The following SCAF11 variants were observed in gnomAD, a reference collection of about 807,000 sequenced individuals.
The protein encoded by SCAF11 is SR-related CTD associated factor 11, also known as protein SCAF11.
In SCAF11, 47 loss-of-function variants were observed where a neutral mutation model predicts 140.5. The ratio of observed to expected loss-of-function variants is 0.33; its 90% CI spans 0.26 to 0.43. SCAF11 has a LOEUF of 0.43. Ranked by LOEUF, SCAF11 falls within the 20% of genes least tolerant of loss-of-function variation. The probability of loss-of-function intolerance (pLI) is 1.00; values close to 1 mark genes in which losing one functional copy is unlikely to be tolerated. For missense variants in SCAF11, 1,645 were observed against 1,705.1 expected (o/e 0.96, Z 0.62); for synonymous variants, 557 against 579.4 (o/e 0.96, Z 0.55).
chr12:45,979,121 T>G lies in SCAF11; in HGVS notation c.-22+11232A>C, dbSNP rs1946297665. Among the ~76,000 whole-genome samples, 4 of 141,122 alleles carry G rather than the reference T, an allele frequency of 2.8e-5. No individual in the cohort carries two copies. In the South Asian group the frequency reaches 1.0e-3, roughly 37 times the overall value. 92.6% of individuals were successfully genotyped at this position (141,122 alleles called of 152,430 possible). ...ATTAGGCTGTGAGGCTATGCCCTCA[T>G]GGATGGAATTAGTGCCTTATAAAAG... On this transcript the variant is annotated intron_variant, in intron 1 of 14. Coordinates refer to ENST00000369367, the MANE Select transcript of SCAF11 (RefSeq NM_004719.3).
Position 45,921,716 on chromosome 12 carries a change from A to C in SCAF11, c.*332T>G, listed in dbSNP as rs1312000637. The C allele has an allele frequency of 1.1e-5, 2 of 178,190 alleles. No individual in the cohort carries two copies. Among genetic ancestry groups the C allele is most frequent in the Non-Finnish European group, 2.3e-5 (2 of 85,312 alleles). The allele number at this position is 178,190 out of a possible 1,614,324, so 11.0% of individuals were successfully genotyped here. A position where few individuals can be genotyped will look rare whatever the true frequency, so the allele number is the denominator to read the frequency against. On this transcript the variant is annotated 3_prime_UTR_variant, in exon 15 of 15. Transcript: ENST00000369367. The stretch of plus-strand genomic sequence containing the variant: ...CTCTTTGAAAACCAGTGCACTTAGA[A>C]GTTTCTAATTTATGCACTCCATTGC...
intron 9 of SCAF11, among the ~76,000 whole-genome samples, chr12:45,932,617 T>C (rs1033719152): frequency 1.3e-5 from 2 of 152,138 alleles, no homozygotes; most frequent in African/African-American, 4.8e-5. Flanking sequence ...CTTAGGAGCT[T>C]GATTTAAGTA....
At chr12:45,922,613 T>C (rs779000398) in intron 13 of SCAF11, 31 bp from the exon 14 acceptor site, 5 of 1,563,582 alleles carry the variant, frequency 3.2e-6, no homozygotes, top group Non-Finnish European at 4.3e-6. Flanking sequence ...AATTTATTAT[T>C]TGCCAGTCAT....
chr12:45,939,546 A>G (rs1279903492), intron 6 of SCAF11, among the ~76,000 whole-genome samples: 2 of 152,128 alleles, frequency 1.3e-5, no homozygotes, highest in African/African-American at 4.8e-5. Flanking sequence ...TAAAAATACA[A>G]AAGTAGCTGG....
At chr12:45,965,421 G>C (rs894485532) in intron 1 of SCAF11, among the ~76,000 whole-genome samples, 1 of 152,178 alleles carries the variant, frequency 6.6e-6, no homozygotes, top group Non-Finnish European at 1.5e-5. Flanking sequence ...AATGAGAAAA[G>C]TGGGAAAGGA....
chr12:45,946,901 A>AATC (rs1945435224), intron 5 of SCAF11, among the ~76,000 whole-genome samples: 1 of 152,198 alleles, frequency 6.6e-6, no homozygotes, highest in Non-Finnish European at 1.5e-5. Flanking sequence ...AATACCTTGA[A>AATC]ATCATATACA....
At chr12:45,972,432 T>A (rs1407011846) in intron 1 of SCAF11, among the ~76,000 whole-genome samples, 1 of 150,760 alleles carries the variant, frequency 6.6e-6, no homozygotes, top group Non-Finnish European at 1.5e-5. Context: ...AAATAGAAAA[T>A]AAAGTAGCCA....
intron 1 of SCAF11, among the ~76,000 whole-genome samples, chr12:45,964,468 C>T (rs1218296093): frequency 6.6e-6 from 1 of 152,050 alleles, no homozygotes; most frequent in Non-Finnish European, 1.5e-5. Context: ...GAGATCGAGA[C>T]CATCCTGGCT....
At chr12:45,935,502 T>C (rs1945151307) in intron 6 of SCAF11, among the ~76,000 whole-genome samples, 1 of 152,164 alleles carries the variant, frequency 6.6e-6, no homozygotes, top group Non-Finnish European at 1.5e-5. Context: ...AAATGTGTGG[T>C]AGGTACACAG....
At position 45,927,089 on chromosome 12, in the gene SCAF11, G is replaced by A. The variant is rs1944890898; in HGVS notation, c.2612C>T (p.Thr871Ile). Residue 871 changes from threonine to isoleucine, a missense_variant, in exon 11 of 15, where the codon ACT becomes ATT. Around this residue, in one of 2 missense-constraint regions of SCAF11, gnomAD observed 1,582 missense variants for 1,609.2 expected, o/e 0.98. Transcript: ENST00000369367. Reference sequence around the variant, plus strand: ...TTCAGATCTTCTGCTTTCCCTAGTAGTATCCCTTTTTGGAGACCGAGACTG... The same window carrying A: ...TTCAGATCTTCTGCTTTCCCTAGTAATATCCCTTTTTGGAGACCGAGACTG... ...QSQSRSPKRD[T>I]TRESRRSESL... The A allele has an allele frequency of 6.2e-7, 1 of 1,613,972 alleles. No homozygotes were observed. Among genetic ancestry groups the A allele is most frequent in the East Asian group, 2.2e-5 (1 of 44,896 alleles).
intron 6 of SCAF11, among the ~76,000 whole-genome samples, chr12:45,935,810 G>A (rs1422391593): frequency 6.6e-6 from 1 of 152,154 alleles, no homozygotes; most frequent in East Asian, 1.9e-4. Context: ...TAATTCTCAG[G>A]TAATTACTCA....
chr12:45,934,368 G>GAA, intron 7 of SCAF11, 79 bp downstream of exon 7: 1 of 1,380,196 alleles, frequency 7.2e-7, no homozygotes, highest in South Asian at 1.3e-5. Context: ...TGATACACCT[G>GAA]AAGCACTGGT....
At chr12:45,924,531 TTTAA>T (rs1184942553) in intron 12 of SCAF11, among the ~76,000 whole-genome samples, 193 bp downstream of exon 12, 2 of 152,206 alleles carry the variant, frequency 1.3e-5, no homozygotes, top group Admixed American at 6.5e-5. Context: ...GTAATAAGTA[TTTAA>T]TTAATTTTCT....
In SCAF11 at chr12:45,927,145, T is replaced by G. The variant is rs752572001; in HGVS notation, c.2556A>C (p.Lys852Asn). The change falls in exon 11 of 15, where the codon AAA (lysine) becomes AAC (asparagine). Residue 852 changes from lysine to asparagine, a missense_variant. This residue lies in a region of SCAF11 where 1,582 missense variants were observed against 1,609.2 expected (regional missense o/e 0.98). Coordinates refer to ENST00000369367, the MANE Select transcript of SCAF11 (RefSeq NM_004719.3). ...GRKKSRSQSP[K>N]KDIARERRQS... ...GCCTCCTTTCTCTTGCAATATCCTTTTTTGGGGACTGAGAACGGGATTTTT... is the reference window on the plus strand; with the variant it reads ...GCCTCCTTTCTCTTGCAATATCCTTGTTTGGGGACTGAGAACGGGATTTTT... 6.2e-7 allele frequency: 1 copy of G among 1,614,000 alleles called. No homozygotes were observed. Among genetic ancestry groups the G allele is most frequent in the East Asian group, 2.2e-5 (1 of 44,886 alleles).
At chr12:45,961,539 T>C (rs959789163) in intron 3 of SCAF11, 161 bp downstream of exon 3, 40 of 628,564 alleles carry the variant, frequency 6.4e-5, no homozygotes, top group Non-Finnish European at 9.8e-5. Context: ...AAAAGAAAAT[T>C]AGAAGAAAAT....
chr12:45,978,013 G>T (rs1292665399), intron 1 of SCAF11, among the ~76,000 whole-genome samples: 1 of 152,156 alleles, frequency 6.6e-6, no homozygotes, highest in Non-Finnish European at 1.5e-5. Flanking sequence ...ACTCTTATGT[G>T]ACAGTCATCC....
At chr12:45,972,928 A>C (rs1433706927) in intron 1 of SCAF11, among the ~76,000 whole-genome samples, 1 of 78,682 alleles carries the variant, frequency 1.3e-5, no homozygotes. Context: ...ATAGATATAT[A>C]GATATATATA....
chr12:45,926,177 C>A lies in SCAF11; in HGVS notation c.3524G>T (p.Gly1175Val). The A allele has an allele frequency of 6.2e-7, 1 of 1,614,026 alleles. No individual in the cohort carries two copies. Among genetic ancestry groups the A allele is most frequent in the Non-Finnish European group, 8.5e-7 (1 of 1,179,914 alleles). ...TGTTTCCTCCTCTTGTTTCATCCAT[C>A]CAGACTGTGGACCTGAAGAATTTCT... ...RGRNSSGPQS[G>V]WMKQEEETSG... is the part of the protein sequence containing the mutation. The change falls in exon 11 of 15, where the codon GGA becomes GTA. Residue 1175 changes from glycine to valine, a missense_variant. Physicochemically the swap from Gly to Val is moderately radical, Grantham distance 109 (BLOSUM62 -3). Transcript: ENST00000369367.
chr12:45,940,575 G>A (rs968008298), intron 6 of SCAF11, among the ~76,000 whole-genome samples: 2 of 152,084 alleles, frequency 1.3e-5, no homozygotes, highest in African/African-American at 4.8e-5. Context: ...TTTTAAAAAA[G>A]ACTTTACAAA....
Sources: gnomAD v4.1 joint callset for allele counts (sites outside exome capture counted in the v4.1 genomes callset) on GRCh38, gnomAD v4.1.1 for gene constraint, gnomAD v4.1.1 regional missense constraint, MANE v1.5 for transcripts, NCBI Gene and HGNC (gene_info 2026-07-23, HGNC 2026-07-21) for gene names.